Variants in GRID2IP observed in about 807,000 individuals in gnomAD.
GRID2IP encodes the protein Grid2 interacting protein.
A neutral mutation model predicts 114.3 loss-of-function variants in GRID2IP; 78 were observed. The ratio of observed to expected loss-of-function variants is 0.68; its 90% CI spans 0.57 to 0.82. GRID2IP has a LOEUF of 0.82. GRID2IP is among the 40% of genes least tolerant of loss of function. The probability of loss-of-function intolerance (pLI) is 0.00; values close to 1 mark genes in which losing one functional copy is unlikely to be tolerated. For missense variants in GRID2IP, 1,727 were observed against 1,678.5 expected (o/e 1.03, Z -0.51); for synonymous variants, 809 against 724.0 (o/e 1.12, Z -1.89).
At chr7:6,510,816 C>A in intron 9 of GRID2IP, 92 bp downstream of exon 9, 1 of 1,480,502 alleles carries the variant, frequency 6.8e-7, no homozygotes. Context: ...CCTGCTTAGC[C>A]CCATTCCCTG....
intron 1 of GRID2IP, among the ~76,000 whole-genome samples, chr7:6,546,644 T>C (rs1368566387): frequency 6.6e-6 from 1 of 151,910 alleles, no homozygotes; most frequent in Non-Finnish European, 1.5e-5. Context: ...AAGTCATTTT[T>C]GGAGATTCAC....
In GRID2IP at chr7:6,510,964, G is replaced by A. The variant is rs748569581; in HGVS notation, c.1499C>T (p.Ser500Phe). The A allele has an allele frequency of 1.3e-6, 2 of 1,547,392 alleles. No individual in the cohort carries two copies. Among genetic ancestry groups the A allele is most frequent in the African/African-American group, 2.7e-5 (2 of 72,730 alleles). Residue 500 changes from serine (S) to phenylalanine (F), a missense_variant, in exon 9 of 22, where the codon TCC becomes TTC. By Grantham distance (155) the Ser-to-Phe change is radical. Transcript: ENST00000457091. Reference sequence around the variant, plus strand: ...CCGGAGGCTGCGGCGGCACATGGAGGAAGCCCGCAGGGAGCTCCGCGGCTG... The same window carrying A: ...CCGGAGGCTGCGGCGGCACATGGAGAAAGCCCGCAGGGAGCTCCGCGGCTG... Reference protein sequence around the residue: ...EPQPRSSLRASSMCRRSLRSQ... With the variant: ...EPQPRSSLRAFSMCRRSLRSQ...
chr7:6,535,705 T>A (rs1382080420), intron 2 of GRID2IP, among the ~76,000 whole-genome samples: 2 of 151,922 alleles, frequency 1.3e-5, no homozygotes, highest in Non-Finnish European at 2.9e-5. Flanking sequence ...TATAAATTCT[T>A]AAAAAAATTA....
chr7:6,528,057 T>A lies in GRID2IP; in HGVS notation c.585-1288A>T, dbSNP rs371610527. On this transcript the variant is annotated intron_variant, in intron 2 of 21. Transcript: ENST00000457091. This position sits in a 1 kb window ranked among gnomAD's most constrained non-coding sequence, Gnocchi z 6.0. The stretch of plus-strand genomic sequence containing the variant: ...AGACGTGAGCCACTGTGCCCGGCAT[T>A]TTTTTTTCTTTTTAATTTTTTTTGT... Among the ~76,000 whole-genome samples, 8 of 150,178 alleles carry A rather than the reference T, an allele frequency of 5.3e-5. No homozygotes were observed. Among genetic ancestry groups the A allele is most frequent in the African/African-American group, 2.0e-4 (8 of 41,012 alleles).
intron 8 of GRID2IP, among the ~76,000 whole-genome samples, chr7:6,511,458 C>G (rs1039598485): frequency 1.3e-5 from 2 of 152,210 alleles, no homozygotes; most frequent in East Asian, 3.9e-4. Context: ...CTGCAACCTC[C>G]ACCTCCCAGG....
Position 6,521,397 on chromosome 7 carries a change from C to T in GRID2IP, c.1084+32G>A. ...GCAGCCTGGGCAGGGTCTCTGGGGG[C>T]CAAGGAAGCCAAGTGTCCATGGGGG... On this transcript the variant is annotated intron_variant, in intron 6 of 21. Coordinates refer to ENST00000457091, the MANE Select transcript of GRID2IP (RefSeq NM_001145118.2). This position sits in a 1 kb window ranked among gnomAD's most constrained non-coding sequence, Gnocchi z 4.1. 5 of 1,458,102 alleles carry T rather than the reference C, an allele frequency of 3.4e-6. No homozygotes were observed. Among genetic ancestry groups the T allele is most frequent in the Admixed American group, 2.2e-5 (1 of 45,052 alleles). The allele number at this position is 1,458,102 out of a possible 1,614,324, so 90.3% of individuals were successfully genotyped here.
chr7:6,509,150 G>C lies in GRID2IP; in HGVS notation c.1935C>G (p.Pro645=). Residue 645 remains proline, a synonymous_variant, in exon 12 of 22, where the codon CCC becomes CCG. Transcript: ENST00000457091. This position sits in a 1 kb window ranked among gnomAD's most constrained non-coding sequence, Gnocchi z 4.9. ...SSRAPSPQPG[P]GPICPDSPPS... is the part of the protein sequence containing the mutation. ...GGGGGCTGTCGGGGCAGATGGGCCC[G>C]GGGCCTGGCTGTGGGGAGGGTGCCC... The C allele has an allele frequency of 1.4e-6, 2 of 1,470,626 alleles. No homozygotes were observed. The highest frequency in any genetic ancestry group is 1.8e-6 in the Non-Finnish European group (2 of 1,110,600). 91.1% of individuals were successfully genotyped at this position (1,470,626 alleles called of 1,614,324 possible).
At position 6,503,632 on chromosome 7, in the gene GRID2IP, C is replaced by T. The variant is rs987416227; in HGVS notation, c.2766G>A (p.Met922Ile). 36 of 1,525,648 alleles carry T rather than the reference C, an allele frequency of 2.4e-5. No individual in the cohort carries two copies. Among genetic ancestry groups the T allele is most frequent in the Non-Finnish European group, 3.1e-5 (35 of 1,143,076 alleles). 94.5% of individuals were successfully genotyped at this position (1,525,648 alleles called of 1,614,324 possible). ...LSPAELRQVL[M>I]SMEPRRLEPA... The stretch of plus-strand genomic sequence containing the variant: ...GCTCCAGGCGCCGGGGCTCCATGCT[C>T]ATCAGCACCTGGCGCAGCTCCGCGG... The change falls in exon 16 of 22, where the codon ATG (methionine) becomes ATA (isoleucine). Residue 922 changes from methionine (M) to isoleucine (I), a missense_variant. Physicochemically the swap from Met to Ile is conservative, Grantham distance 10. Transcript: ENST00000457091.
rs181354446 is a variant in GRID2IP at position 6,500,012 on chromosome 7, T to G, written c.3399+1769A>C. On this transcript the variant is annotated intron_variant, in intron 20 of 21. Coordinates refer to ENST00000457091, the MANE Select transcript of GRID2IP (RefSeq NM_001145118.2). ...TCCCAAAGTGCTGGGATTACAGGCA[T>G]GAGCCACTGCACCTGGCCCAGAGGC... is the stretch of plus-strand genomic sequence containing the variant. Among the ~76,000 whole-genome samples, 208 of 151,126 alleles carry G rather than the reference T, an allele frequency of 1.4e-3. 5 individuals are homozygous for G. The highest frequency in any genetic ancestry group is 4.7e-3 in the African/African-American group (196 of 41,268).
intron 7 of GRID2IP, among the ~76,000 whole-genome samples, chr7:6,517,542 C>T (rs935309311): frequency 6.6e-6 from 1 of 152,040 alleles, no homozygotes; most frequent in Non-Finnish European, 1.5e-5. Flanking sequence ...CACAACAGAC[C>T]TAATAACAGA....
At chr7:6,550,869 G>T in intron 1 of GRID2IP, 139 bp downstream of exon 1, 1 of 978,782 alleles carries the variant, frequency 1.0e-6, no homozygotes, top group Non-Finnish European at 1.3e-6. Flanking sequence ...TTTTGAAGTT[G>T]AGCATTCCCA....
chr7:6,549,948 T>C (rs1779948662), intron 1 of GRID2IP, among the ~76,000 whole-genome samples: 1 of 151,930 alleles, frequency 6.6e-6, no homozygotes, highest in Non-Finnish European at 1.5e-5. Flanking sequence ...TTACACTTGA[T>C]CTTAGATGAA....
In GRID2IP at chr7:6,510,211, A is replaced by G; in HGVS notation, c.1771+72T>C. On this transcript the variant is annotated intron_variant, in intron 11 of 21. Coordinates refer to ENST00000457091, the MANE Select transcript of GRID2IP (RefSeq NM_001145118.2). ...CAACCCTGACCCTGATGGAGCAGAG[A>G]AGCAGCTCCAGGGCTGAGCCTGGGG... The G allele has an allele frequency of 3.1e-6, 3 of 975,196 alleles. No individual in the cohort carries two copies. The South Asian group carries it at 4.7e-5, about 15-fold the overall frequency. The allele number at this position is 975,196 out of a possible 1,614,324, so 60.4% of individuals were successfully genotyped here. A position where few individuals can be genotyped will look rare whatever the true frequency, so the allele number is the denominator to read the frequency against.
At position 6,526,402 on chromosome 7, in the gene GRID2IP, C is replaced by T; in HGVS notation, c.834-93G>A. The T allele has an allele frequency of 6.6e-7, 1 of 1,511,910 alleles. No homozygotes were observed. Among genetic ancestry groups the T allele is most frequent in the Non-Finnish European group, 8.9e-7 (1 of 1,120,490 alleles). 93.7% of individuals were successfully genotyped at this position (1,511,910 alleles called of 1,614,324 possible). On this transcript the variant is annotated intron_variant, in intron 3 of 21. Coordinates refer to ENST00000457091, the MANE Select transcript of GRID2IP (RefSeq NM_001145118.2). The surrounding 1 kb of genome is among the most constrained non-coding windows in gnomAD (Gnocchi z 7.6). Reference sequence around the variant, plus strand: ...TCCCGTGTCCCTCTCCCCTTAACCTCTCCGGCCCCCTATGCACCCCAGATG... The same window carrying T: ...TCCCGTGTCCCTCTCCCCTTAACCTTTCCGGCCCCCTATGCACCCCAGATG...
intron 2 of GRID2IP, among the ~76,000 whole-genome samples, chr7:6,529,437 T>TG (rs1378325096): frequency 6.6e-6 from 1 of 151,060 alleles, no homozygotes; most frequent in Non-Finnish European, 1.5e-5. Context: ...GGCAAAAGAG[T>TG]GAGACTCCAT....
intron 2 of GRID2IP, chr7:6,531,324 G>A (rs1434184338): frequency 7.7e-6 from 3 of 390,206 alleles, no homozygotes; most frequent in African/African-American, 2.1e-5. Context: ...TGGTCGCTCT[G>A]GGGTGCAGCG....
Position 6,520,536 on chromosome 7 carries a change from C to G in GRID2IP, c.1268+42G>C. ...ATGTGAGTCTAGGCAGGACTTAGGG[C>G]CCACCCAGGGCAGGGCCCCACCGCG... is the stretch of plus-strand genomic sequence containing the variant. On this transcript the variant is annotated intron_variant, in intron 7 of 21. Coordinates refer to ENST00000457091, the MANE Select transcript of GRID2IP (RefSeq NM_001145118.2). The surrounding 1 kb of genome is among the most constrained non-coding windows in gnomAD (Gnocchi z 4.6). 1 of 1,531,938 alleles carries G rather than the reference C, an allele frequency of 6.5e-7. No individual in the cohort carries two copies. 94.9% of individuals were successfully genotyped at this position (1,531,938 alleles called of 1,614,324 possible).
chr7:6,516,956 A>G lies in GRID2IP; in HGVS notation c.1269-2427T>C, dbSNP rs1006168287. Among the ~76,000 whole-genome samples the G allele has an allele frequency of 2.6e-5, 4 of 151,142 alleles. No individual in the cohort carries two copies. Among genetic ancestry groups the G allele is most frequent in the African/African-American group, 9.8e-5 (4 of 41,012 alleles). ...TGCCTTGTACACAATAAATAACAGC[A>G]CGGCCAGGCATTCGGGGCCACTACT... On this transcript the variant is annotated intron_variant, in intron 7 of 21. Transcript: ENST00000457091. This position sits in a 1 kb window ranked among gnomAD's most constrained non-coding sequence, Gnocchi z 4.3.
Position 6,551,406 on chromosome 7 carries a change from G to C in GRID2IP, c.31C>G (p.Gln11Glu). The part of the protein sequence containing the change: MATTATPATN[Q>E]GWPEDFGFRL... ...AAGCCAAAGTCCTCTGGCCAGCCCTGGTTCGTGGCCGGCGTGGCAGTGGTG... is the reference window on the plus strand; with the variant it reads ...AAGCCAAAGTCCTCTGGCCAGCCCTCGTTCGTGGCCGGCGTGGCAGTGGTG... Residue 11 changes from glutamine to glutamate, a missense_variant, in exon 1 of 22, where the codon CAG (glutamine) becomes GAG (glutamate). Coordinates refer to ENST00000457091, the MANE Select transcript of GRID2IP (RefSeq NM_001145118.2). 2 of 1,547,334 alleles carry C rather than the reference G, an allele frequency of 1.3e-6. No homozygotes were observed. The highest frequency in any genetic ancestry group is 2.7e-5 in the African/African-American group (2 of 72,848).
Sources: gnomAD v4.1 joint callset for allele counts (sites outside exome capture counted in the v4.1 genomes callset) on GRCh38, gnomAD v4.1.1 for gene constraint, Gnocchi (gnomAD v3.1) non-coding constraint, MANE v1.5 for transcripts, NCBI Gene and HGNC (gene_info 2026-07-23, HGNC 2026-07-21) for gene names.